The following CCDC158 variants were observed in gnomAD, a reference collection of about 807,000 sequenced individuals.
The protein encoded by CCDC158 is coiled-coil domain containing 158, also known as coiled-coil domain-containing protein 158.
In CCDC158, 116 loss-of-function variants were observed where a neutral mutation model predicts 138.6. The ratio of observed to expected loss-of-function variants is 0.84; its 90% CI spans 0.72 to 0.98. The LOEUF (loss-of-function observed/expected upper bound fraction) is 0.98. Among genes scored for constraint, CCDC158 ranks in the 50% least tolerant of loss-of-function variants. The probability of loss-of-function intolerance (pLI) is 0.00; values close to 1 mark genes in which losing one functional copy is unlikely to be tolerated. For missense variants in CCDC158, 1,265 were observed against 1,306.1 expected (o/e 0.97, Z 0.48); for synonymous variants, 436 against 442.4 (o/e 0.99, Z 0.18).
intron 24 of CCDC158, among the ~76,000 whole-genome samples, chr4:76,314,034 C>A (rs1719141749): frequency 6.6e-6 from 1 of 151,928 alleles, no homozygotes; most frequent in African/African-American, 2.4e-5. Context: ...TTTGTATAAA[C>A]ACTTCTGTGC....
chr4:76,335,964 G>A (rs1434393791), intron 18 of CCDC158, among the ~76,000 whole-genome samples: 4 of 151,580 alleles, frequency 2.6e-5, no homozygotes, highest in Non-Finnish European at 4.4e-5. Context: ...GGCAGATCAC[G>A]AGGTCAGGAG....
At chr4:76,345,278 C>G in intron 18 of CCDC158, 1 of 960,830 alleles carries the variant, frequency 1.0e-6, no homozygotes, top group Admixed American at 1.7e-5. Flanking sequence ...ACATGCTCAA[C>G]ATCGAAGCTG....
At chr4:76,316,966 C>T (rs1478506149) in intron 24 of CCDC158, among the ~76,000 whole-genome samples, 1 of 139,792 alleles carries the variant, frequency 7.2e-6, no homozygotes, top group African/African-American at 2.6e-5. Context: ...CTAAGAAATG[C>T]TAAAAGGAAT....
At chr4:76,338,673 T>C (rs1305766845) in intron 18 of CCDC158, among the ~76,000 whole-genome samples, 1 of 152,208 alleles carries the variant, frequency 6.6e-6, no homozygotes, top group Non-Finnish European at 1.5e-5. Flanking sequence ...AGTGAGTTGA[T>C]GTACTTCAAC....
At position 76,382,592 on chromosome 4, in the gene CCDC158, C is replaced by T; in HGVS notation, c.914+18G>A. On this transcript the variant is annotated intron_variant, in intron 8 of 24. Coordinates refer to ENST00000682701, the MANE Select transcript of CCDC158 (RefSeq NM_001394954.1). ...CTTTAAAATGAAGATGAATGACTAA[C>T]AGTTTCAAACCACATACTGAATGAT... 1.4e-6 allele frequency: 2 copies of T among 1,414,244 alleles called. No individual in the cohort carries two copies. The highest frequency in any genetic ancestry group is 2.3e-5 in the South Asian group (2 of 85,116). 87.6% of individuals were successfully genotyped at this position (1,414,244 alleles called of 1,614,324 possible).
chr4:76,332,232 T>C (rs1384643896), intron 20 of CCDC158, among the ~76,000 whole-genome samples, 200 bp downstream of exon 20: 5 of 152,286 alleles, frequency 3.3e-5, no homozygotes, highest in Middle Eastern at 3.4e-3. Flanking sequence ...AAAGAAAAAA[T>C]GTCTATTGAG....
chr4:76,420,999 C>A lies in CCDC158; in HGVS notation c.-151G>T, dbSNP rs1730077516. The stretch of plus-strand genomic sequence containing the variant: ...ACACCTAATCCTAAGACACCGGCCA[C>A]ATCTCCGCGGGGCGCCGGCGGGCGC... On this transcript the variant is annotated 5_prime_UTR_variant, in exon 1 of 25. The change abolishes an upstream ATG in the 5' untranslated region. Coordinates refer to ENST00000682701, the MANE Select transcript of CCDC158 (RefSeq NM_001394954.1). Among the ~76,000 whole-genome samples the A allele has an allele frequency of 6.6e-6, 1 of 152,112 alleles. No homozygotes were observed. Among genetic ancestry groups the A allele is most frequent in the Non-Finnish European group, 1.5e-5 (1 of 68,008 alleles).
intron 4 of CCDC158, among the ~76,000 whole-genome samples, chr4:76,391,582 A>G (rs2109811317): frequency 6.6e-6 from 1 of 152,172 alleles, no homozygotes; most frequent in South Asian, 2.1e-4. Flanking sequence ...AAAAGAAGAA[A>G]AACTGCAAAT....
At chr4:76,364,668 C>A (rs144259094) in intron 12 of CCDC158, among the ~76,000 whole-genome samples, 1 of 152,178 alleles carries the variant, frequency 6.6e-6, no homozygotes, top group East Asian at 1.9e-4. Flanking sequence ...CAGAACTGAC[C>A]TAGATCCTTC....
intron 14 of CCDC158, 73 bp downstream of exon 14, chr4:76,357,299 TGA>T: frequency 9.6e-7 from 1 of 1,037,218 alleles, no homozygotes; most frequent in South Asian, 2.1e-5. Flanking sequence ...GTAACGTATT[TGA>T]GTTTCTGTTT....
rs544942791 is a variant in CCDC158 at position 76,384,572 on chromosome 4, C to A, written c.382G>T (p.Ala128Ser). 6.2e-7 allele frequency: 1 copy of A among 1,611,670 alleles called. No individual in the cohort carries two copies. The highest frequency in any genetic ancestry group is 1.3e-5 in the African/African-American group (1 of 74,954). The change falls in exon 5 of 25, where the codon GCT becomes TCT. Residue 128 changes from alanine (A) to serine (S), a missense_variant. Physicochemically the swap from Ala to Ser is moderately conservative, Grantham distance 99. Transcript: ENST00000682701. ...KLQEMQMERD[A>S]MADIRRRESQ... The stretch of plus-strand genomic sequence containing the variant: ...AATCCCAACCTGATGTCAGCCATAG[C>A]ATCTCTCTCCATTTGCATCTCCTGA...
At chr4:76,384,031 C>T in intron 6 of CCDC158, 57 bp downstream of exon 6, 9 of 1,199,434 alleles carry the variant, frequency 7.5e-6, no homozygotes, top group Non-Finnish European at 9.3e-6. Flanking sequence ...ACATCTAATG[C>T]TATTCTCTTA....
At chr4:76,357,676 G>A in intron 13 of CCDC158, 150 bp from the exon 14 acceptor site, 1 of 555,174 alleles carries the variant, frequency 1.8e-6, no homozygotes, top group Non-Finnish European at 2.9e-6. Context: ...GAAATGAGAT[G>A]TACATACACA....
At position 76,353,191 on chromosome 4, in the gene CCDC158, C is replaced by G; in HGVS notation, c.2377G>C (p.Glu793Gln). The G allele has an allele frequency of 6.2e-7, 1 of 1,613,908 alleles. No individual in the cohort carries two copies. Residue 793 changes from glutamate to glutamine, a missense_variant, in exon 16 of 25, where the codon GAA becomes CAA. Physicochemically the swap from Glu to Gln is conservative, Grantham distance 29. Coordinates refer to ENST00000682701, the MANE Select transcript of CCDC158 (RefSeq NM_001394954.1). ...CGGCGTTCCTGAGATCGCAGAACTT[C>G]CAACTCCCCAGCCATCTTGTTTTTT... ...TEKNKMAGEL[E>Q]VLRSQERRLK...
At chr4:76,420,195 G>A (rs922378179) in intron 1 of CCDC158, among the ~76,000 whole-genome samples, 1 of 151,922 alleles carries the variant, frequency 6.6e-6, no homozygotes, top group African/African-American at 2.4e-5. Context: ...TCCGCACAGA[G>A]AAACAGTCCT....
intron 3 of CCDC158, among the ~76,000 whole-genome samples, chr4:76,397,594 C>T (rs1727942358): frequency 6.6e-6 from 1 of 152,004 alleles, no homozygotes; most frequent in Non-Finnish European, 1.5e-5. Context: ...TGTTATAATT[C>T]TGAAACTAGT....
chr4:76,350,894 G>T, intron 18 of CCDC158, 102 bp downstream of exon 18: 1 of 1,029,824 alleles, frequency 9.7e-7, no homozygotes, highest in Non-Finnish European at 1.3e-6. Flanking sequence ...AATTGAAAAT[G>T]CTATGGATAT....
intron 18 of CCDC158, chr4:76,344,665 C>G: frequency 6.2e-7 from 1 of 1,611,866 alleles, no homozygotes; most frequent in Non-Finnish European, 8.5e-7. Flanking sequence ...ACCACACTGC[C>G]CATGTTTCAG....
intron 24 of CCDC158, among the ~76,000 whole-genome samples, chr4:76,321,221 A>T (rs1286032094): frequency 6.6e-6 from 1 of 152,140 alleles, no homozygotes; most frequent in Admixed American, 6.6e-5. Flanking sequence ...GATACTACCT[A>T]CTCCTGCAAG....
Sources: gnomAD v4.1 joint callset for allele counts (sites outside exome capture counted in the v4.1 genomes callset) on GRCh38, gnomAD v4.1.1 for gene constraint, MANE v1.5 for transcripts, NCBI Gene and HGNC (gene_info 2026-07-23, HGNC 2026-07-21) for gene names.